CDH18: variants seen among roughly 807,000 people sequenced by gnomAD.
CDH18 encodes cadherin-18.
CDH18 carries 31 observed loss-of-function variants against 67.9 expected under a neutral mutation model. That is an observed-to-expected ratio of 0.46 (90% CI 0.34 to 0.62). CDH18 has a LOEUF of 0.62. Ranked by LOEUF, CDH18 falls within the 20% of genes least tolerant of loss-of-function variation. CDH18 has a pLI of 0.01. For synonymous variants in CDH18, 362 were observed against 347.2 expected (o/e 1.04, Z -0.48); for missense variants, 890 against 975.5 (o/e 0.91, Z 1.17).
chr5:19,858,069 C>A (rs1218359141), intron 2 of CDH18, among the ~76,000 whole-genome samples: 1 of 152,002 alleles, frequency 6.6e-6, no homozygotes, highest in South Asian at 2.1e-4. Context: ...TTATTCATTG[C>A]CGATATATGA....
At chr5:19,738,256 C>A (rs1370951276) in intron 4 of CDH18, among the ~76,000 whole-genome samples, 1 of 152,088 alleles carries the variant, frequency 6.6e-6, no homozygotes, top group Non-Finnish European at 1.5e-5. Context: ...GTGGAAGGTG[C>A]TAAAATAATA....
intron 2 of CDH18, among the ~76,000 whole-genome samples, chr5:20,174,092 C>T (rs1408435365): frequency 1.3e-5 from 2 of 152,024 alleles, no homozygotes; most frequent in African/African-American, 4.8e-5. Context: ...TAAAATATTT[C>T]AAAACATATG....
chr5:20,116,623 C>A (rs1172892237), intron 2 of CDH18, among the ~76,000 whole-genome samples: 4 of 152,088 alleles, frequency 2.6e-5, no homozygotes. Flanking sequence ...CACTTTCAAT[C>A]TTATCATTCC....
chr5:19,509,845 T>C (rs1046809296), intron 10 of CDH18, among the ~76,000 whole-genome samples: 2 of 152,180 alleles, frequency 1.3e-5, no homozygotes, highest in Non-Finnish European at 2.9e-5. Context: ...ATTTCATGCA[T>C]GCATGCCTTT....
chr5:20,102,113 T>A (rs569745482), intron 2 of CDH18, among the ~76,000 whole-genome samples: 1 of 152,008 alleles, frequency 6.6e-6, no homozygotes, highest in Non-Finnish European at 1.5e-5. Context: ...GCTAAATCTC[T>A]CTTCATTTTG....
Position 19,721,384 on chromosome 5 carries a change from G to A in CDH18, c.606C>T (p.Leu202=), listed in dbSNP as rs201475677. 3.9e-5 allele frequency: 62 copies of A among 1,608,570 alleles called. 1 individual carries two copies. In the East Asian group the frequency reaches 1.3e-3, roughly 34 times the overall value. Residue 202 remains leucine (L), a synonymous_variant, in exon 5 of 13, where the codon CTC becomes CTT. Coordinates refer to ENST00000382275, the MANE Select transcript of CDH18 (RefSeq NM_004934.5). ...CGACGGAGAAGTAGGGTTGTCCTTG[G>A]AGAATGCTGTAAACCACCCGAGCGC... is the stretch of plus-strand genomic sequence containing the variant. ...GNSARVVYSI[L]QGQPYFSVDP... is the part of the protein sequence containing the mutation.
intron 2 of CDH18, among the ~76,000 whole-genome samples, chr5:19,973,408 G>A (rs1798212484): frequency 6.6e-6 from 1 of 152,058 alleles, no homozygotes; most frequent in Non-Finnish European, 1.5e-5. Flanking sequence ...ATCTATGTAC[G>A]ATGTACTTCA....
intron 3 of CDH18, among the ~76,000 whole-genome samples, chr5:19,763,110 A>AC (rs778840991): frequency 5.3e-5 from 8 of 152,088 alleles, no homozygotes; most frequent in Non-Finnish European, 1.2e-4. Flanking sequence ...GGGTCTGGGG[A>AC]TGGGGGAGGG....
chr5:19,830,456 TTAGA>T (rs1208719463), intron 3 of CDH18, among the ~76,000 whole-genome samples: 3 of 152,214 alleles, frequency 2.0e-5, no homozygotes, highest in African/African-American at 7.2e-5. Flanking sequence ...TCACTAATCG[TTAGA>T]TAAATGCAAA....
intron 2 of CDH18, among the ~76,000 whole-genome samples, chr5:19,911,046 A>G (rs1214169265): frequency 1.3e-5 from 2 of 152,088 alleles, no homozygotes; most frequent in East Asian, 3.9e-4. Context: ...TAATCTTTCA[A>G]TGCCTGTAAG....
chr5:19,592,960 A>G (rs1361201260), intron 6 of CDH18, among the ~76,000 whole-genome samples: 1 of 152,044 alleles, frequency 6.6e-6, no homozygotes, highest in African/African-American at 2.4e-5. Flanking sequence ...AATTCAGTCT[A>G]CTGTCCTCAG....
intron 3 of CDH18, among the ~76,000 whole-genome samples, chr5:19,801,927 CTCTA>C (rs1403057407): frequency 1.3e-5 from 2 of 152,100 alleles, no homozygotes; most frequent in African/African-American, 2.4e-5. Context: ...TTTTGCCATT[CTCTA>C]TCTAAATGTT....
intron 7 of CDH18, among the ~76,000 whole-genome samples, chr5:19,573,038 G>C (rs906095317): frequency 2.0e-5 from 3 of 152,086 alleles, no homozygotes; most frequent in African/African-American, 7.2e-5. Context: ...CAGGGACATT[G>C]ATGAGGATAA....
At chr5:19,795,377 C>T (rs563214491) in intron 3 of CDH18, among the ~76,000 whole-genome samples, 1 of 152,264 alleles carries the variant, frequency 6.6e-6, no homozygotes, top group South Asian at 2.1e-4. Context: ...AGCAGGAAAA[C>T]TGAAGTTCAG....
In CDH18 at chr5:19,936,642, A is replaced by T. The variant is rs528818869; in HGVS notation, c.-257+44418T>A. Among the ~76,000 whole-genome samples the T allele has an allele frequency of 1.9e-4, 29 of 151,262 alleles. 1 individual carries two copies. The South Asian group carries it at 5.8e-3, about 30-fold the overall frequency. Reference sequence around the variant, plus strand: ...TTTTCTTTAAAGAAAAAAAATAAAAACTAGAAGCTCTAGTATAACATAAAT... The same window carrying T: ...TTTTCTTTAAAGAAAAAAAATAAAATCTAGAAGCTCTAGTATAACATAAAT... On this transcript the variant is annotated intron_variant, in intron 2 of 12. Transcript: ENST00000382275.
intron 5 of CDH18, among the ~76,000 whole-genome samples, chr5:19,647,785 A>AT (rs950599497): frequency 5.3e-5 from 8 of 152,158 alleles, no homozygotes; most frequent in Admixed American, 4.6e-4. Flanking sequence ...TTCATTATGC[A>AT]TACACCCTAG....
chr5:20,022,488 T>C (rs116359261), intron 2 of CDH18, among the ~76,000 whole-genome samples: 3,250 of 152,316 alleles, frequency 0.021, 43 homozygotes, highest in Middle Eastern at 0.037. Context: ...TACACAAGAT[T>C]TGGCAATAAT....
At chr5:19,949,603 T>C (rs1795593557) in intron 2 of CDH18, among the ~76,000 whole-genome samples, 1 of 152,168 alleles carries the variant, frequency 6.6e-6, no homozygotes, top group African/African-American at 2.4e-5. Context: ...AGTACATCTT[T>C]CTTTTCGTAA....
chr5:20,379,424 A>C (rs1743735369), intron 1 of CDH18, among the ~76,000 whole-genome samples: 1 of 152,172 alleles, frequency 6.6e-6, no homozygotes, highest in Non-Finnish European at 1.5e-5. Context: ...TGTCAGCCTC[A>C]AAAAATACAG....
Sources: allele counts gnomAD v4.1 joint callset (sites outside exome capture counted in the v4.1 genomes callset), GRCh38; gene constraint gnomAD v4.1.1; transcripts MANE v1.5; gene names NCBI Gene and HGNC (gene_info 2026-07-23, HGNC 2026-07-21).